The following MAGI2 variants were observed in gnomAD, a reference collection of about 807,000 sequenced individuals.
The protein encoded by MAGI2 is membrane associated guanylate kinase, WW and PDZ domain containing 2, also known as membrane-associated guanylate kinase, WW and PDZ domain-containing protein 2.
A neutral mutation model predicts 133.3 loss-of-function variants in MAGI2; 35 were observed. That is an observed-to-expected ratio of 0.26 (90% confidence interval 0.20 to 0.35). MAGI2 has a LOEUF of 0.35. Among genes scored for constraint, MAGI2 ranks in the 10% least tolerant of loss-of-function variants. The pLI is 1.00. For missense variants in MAGI2, 1,636 were observed against 1,863.4 expected (o/e 0.88, Z 2.25); for synonymous variants, 729 against 710.6 (o/e 1.03, Z -0.41).
rs191239920 is a variant in MAGI2 at position 79,140,407 on chromosome 7, A to G, written c.302-133201T>C. ...AAGAATATGAATTCCTCTCTGCCCC[A>G]TTATTAATAGGCCTCAGAAATGTTG... is the stretch of plus-strand genomic sequence containing the variant. On this transcript the variant is annotated intron_variant, in intron 1 of 21. Coordinates refer to ENST00000354212, the MANE Select transcript of MAGI2 (RefSeq NM_012301.4). Among the ~76,000 whole-genome samples the G allele has an allele frequency of 2.9e-3, 435 of 152,330 alleles. 2 individuals carry two copies. The highest frequency in any genetic ancestry group is 5.2e-3 in the Non-Finnish European group (354 of 68,026).
intron 3 of MAGI2, among the ~76,000 whole-genome samples, chr7:78,602,294 G>A (rs893255808): frequency 6.6e-6 from 1 of 151,946 alleles, no homozygotes; most frequent in African/African-American, 2.4e-5. Flanking sequence ...TGAGTAGCTG[G>A]GATTACAGGT....
intron 3 of MAGI2, among the ~76,000 whole-genome samples, chr7:78,536,699 C>G (rs1019891387): frequency 9.9e-5 from 15 of 151,578 alleles, no homozygotes; most frequent in African/African-American, 3.1e-4. Flanking sequence ...TAAATTTGCT[C>G]CTAATACTCA....
At chr7:79,121,157 A>G (rs889100835) in intron 1 of MAGI2, among the ~76,000 whole-genome samples, 3 of 152,184 alleles carry the variant, frequency 2.0e-5, no homozygotes, top group African/African-American at 7.2e-5. Context: ...AGTTTATTAA[A>G]TACTAGCTAA....
At chr7:78,950,297 A>G (rs1394248080) in intron 2 of MAGI2, among the ~76,000 whole-genome samples, 1 of 152,076 alleles carries the variant, frequency 6.6e-6, no homozygotes, top group African/African-American at 2.4e-5. Context: ...GATTGCAAAA[A>G]TTTTCTGAGT....
At chr7:78,101,997 A>AAT (rs1474004846) in intron 20 of MAGI2, among the ~76,000 whole-genome samples, 1 of 152,194 alleles carries the variant, frequency 6.6e-6, no homozygotes, top group African/African-American at 2.4e-5. Flanking sequence ...AAAAAAATGG[A>AAT]ATATATATAT....
chr7:78,306,283 T>C (rs887786649), intron 9 of MAGI2, among the ~76,000 whole-genome samples: 1 of 152,232 alleles, frequency 6.6e-6, no homozygotes, highest in African/African-American at 2.4e-5. Flanking sequence ...TCATCAGTTA[T>C]GTGAGTGATG....
At chr7:79,423,913 G>A (rs1847153691) in intron 1 of MAGI2, among the ~76,000 whole-genome samples, 1 of 152,104 alleles carries the variant, frequency 6.6e-6, no homozygotes, top group African/African-American at 2.4e-5. Context: ...GAAGAGTTAG[G>A]AGGAAGGTGA....
At chr7:79,059,009 T>C (rs903110597) in intron 1 of MAGI2, among the ~76,000 whole-genome samples, 2 of 152,044 alleles carry the variant, frequency 1.3e-5, no homozygotes, top group Non-Finnish European at 2.9e-5. Context: ...AGTCAATAAA[T>C]AGGAGTTGTT....
At chr7:78,055,812 C>A (rs570318813) in intron 21 of MAGI2, among the ~76,000 whole-genome samples, 1 of 152,254 alleles carries the variant, frequency 6.6e-6, no homozygotes, top group African/African-American at 2.4e-5. Context: ...AAACTCAGCA[C>A]CTCTTATCTA....
At chr7:78,323,649 T>TC (rs1788242663) in intron 9 of MAGI2, among the ~76,000 whole-genome samples, 1 of 151,986 alleles carries the variant, frequency 6.6e-6, no homozygotes. Context: ...GTTTGTTTGT[T>TC]CCCCCCGGCC....
At chr7:78,101,744 T>C (rs749422454) in intron 20 of MAGI2, among the ~76,000 whole-genome samples, 28 of 152,178 alleles carry the variant, frequency 1.8e-4, no homozygotes, top group Non-Finnish European at 3.2e-4. Flanking sequence ...AGGGAACCTT[T>C]GTACCACTGT....
At chr7:78,543,767 G>T (rs938206128) in intron 3 of MAGI2, among the ~76,000 whole-genome samples, 26 of 152,174 alleles carry the variant, frequency 1.7e-4, no homozygotes, top group African/African-American at 6.3e-4. Flanking sequence ...GCTCGGAAAA[G>T]AAATCCAATG....
chr7:78,373,458 A>T (rs925332924), intron 6 of MAGI2, among the ~76,000 whole-genome samples: 3 of 152,174 alleles, frequency 2.0e-5, no homozygotes, highest in African/African-American at 7.2e-5. Context: ...AGTGGGAGTT[A>T]TGGGGAGCCA....
Position 78,160,189 on chromosome 7 carries a change from G to A in MAGI2, c.2681C>T (p.Thr894Ile). 1 of 1,612,760 alleles carries A rather than the reference G, an allele frequency of 6.2e-7. No individual in the cohort carries two copies. Among genetic ancestry groups the A allele is most frequent in the Non-Finnish European group, 8.5e-7 (1 of 1,179,346 alleles). Residue 894 changes from threonine to isoleucine, a missense_variant, in exon 16 of 22, where the codon ACC becomes ATC. By Grantham distance (89) the Thr-to-Ile change is moderately conservative (BLOSUM62 -1). Coordinates refer to ENST00000354212, the MANE Select transcript of MAGI2 (RefSeq NM_012301.4). The stretch of plus-strand genomic sequence containing the variant: ...ACTGGGGGCAGCGTGGTTGCTGTTG[G>A]TGTAGGTTGCGTAGTCACTGCGTGG... The part of the protein sequence containing the change: ...SSPRSDYATY[T>I]NSNHAAPSSN...
intron 2 of MAGI2, among the ~76,000 whole-genome samples, chr7:78,875,746 A>G (rs570885947): frequency 6.6e-6 from 1 of 152,344 alleles, no homozygotes; most frequent in East Asian, 1.9e-4. Context: ...GCAAATGTAA[A>G]GTGCCTCCAA....
At chr7:79,103,778 C>A (rs1350044977) in intron 1 of MAGI2, among the ~76,000 whole-genome samples, 1 of 152,082 alleles carries the variant, frequency 6.6e-6, no homozygotes, top group African/African-American at 2.4e-5. Flanking sequence ...TGGCTCACTG[C>A]AAGCTCCGCC....
intron 3 of MAGI2, among the ~76,000 whole-genome samples, chr7:78,562,390 A>G (rs1205483203): frequency 6.6e-5 from 10 of 152,234 alleles, no homozygotes; most frequent in Admixed American, 6.5e-4. Context: ...CAATAACCAC[A>G]CAAAAGCCAG....
intron 1 of MAGI2, among the ~76,000 whole-genome samples, chr7:79,417,963 A>G (rs1261404165): frequency 1.3e-5 from 2 of 152,112 alleles, no homozygotes; most frequent in African/African-American, 4.8e-5. Context: ...ATGTAAAGCA[A>G]TCTGAGGATA....
At chr7:78,481,752 C>A (rs1048296129) in intron 6 of MAGI2, among the ~76,000 whole-genome samples, 3 of 151,332 alleles carry the variant, frequency 2.0e-5, no homozygotes, top group Non-Finnish European at 4.4e-5. Context: ...ATACATTTAA[C>A]AAAAATTAAC....
Sources: allele counts gnomAD v4.1 joint callset (sites outside exome capture counted in the v4.1 genomes callset), GRCh38; gene constraint gnomAD v4.1.1; transcripts MANE v1.5; gene names NCBI Gene and HGNC (gene_info 2026-07-23, HGNC 2026-07-21).